The following ARID1B variants were observed in gnomAD, a reference collection of about 807,000 sequenced individuals.
ARID1B encodes AT-rich interaction domain 1B.
A neutral mutation model predicts 212.3 loss-of-function variants in ARID1B; 30 were observed. The ratio of observed to expected loss-of-function variants is 0.14; its 90% confidence interval spans 0.11 to 0.19. The LOEUF (loss-of-function observed/expected upper bound fraction) is 0.19. Among genes scored for constraint, ARID1B ranks in the 10% least tolerant of loss-of-function variants. The pLI is 1.00. For synonymous variants in ARID1B, 1,402 were observed against 1,301.7 expected, an observed-to-expected ratio of 1.08 and a Z score of -1.66; for missense variants, 2,891 against 3,204.0, an observed-to-expected ratio of 0.90 and a Z score of 2.36.
Position 156,795,209 on chromosome 6 carries a change from A to G in ARID1B, c.1791+15738A>G, listed in dbSNP as rs369368524. 3.9e-4 allele frequency among the ~76,000 whole-genome samples: 59 copies of G among 152,144 alleles called. 2 individuals are homozygous for G. Among genetic ancestry groups the G allele is most frequent in the Admixed American group, 1.7e-3 (26 of 15,278 alleles). On this transcript the variant is annotated intron_variant, in intron 1 of 19. Coordinates refer to ENST00000636930, the MANE Select transcript of ARID1B (RefSeq NM_001374828.1). ...GGCCTGGGAAGGAGTAAGGCAGCAC[A>G]CGGTGGCTGTTAGGTCATTTGTGTT...
chr6:156,924,042 C>A (rs978982205), intron 3 of ARID1B, among the ~76,000 whole-genome samples: 1 of 152,204 alleles, frequency 6.6e-6, no homozygotes, highest in Admixed American at 6.5e-5. Flanking sequence ...TAGCTGACAT[C>A]TGTGAACATT....
At chr6:157,069,938 T>C (rs1302770778) in intron 4 of ARID1B, among the ~76,000 whole-genome samples, 1 of 152,210 alleles carries the variant, frequency 6.6e-6, no homozygotes, top group Non-Finnish European at 1.5e-5. Context: ...GTTGTTCTCT[T>C]AAAAGGCATG....
At chr6:157,077,703 A>C (rs936361671) in intron 4 of ARID1B, among the ~76,000 whole-genome samples, 5 of 152,160 alleles carry the variant, frequency 3.3e-5, no homozygotes, top group African/African-American at 1.2e-4. Flanking sequence ...AATTTTCTGC[A>C]CTTCATTGTT....
intron 4 of ARID1B, among the ~76,000 whole-genome samples, chr6:157,055,386 A>T (rs2128389893): frequency 6.6e-6 from 1 of 152,312 alleles, no homozygotes; most frequent in Admixed American, 6.5e-5. Flanking sequence ...TAGAACTTGT[A>T]CAAAGTACTC....
At chr6:157,202,478 G>A (rs997223912) in intron 18 of ARID1B, among the ~76,000 whole-genome samples, 5 of 152,030 alleles carry the variant, frequency 3.3e-5, no homozygotes, top group Admixed American at 3.3e-4. Flanking sequence ...TTGAACTCAG[G>A]AATTCGAGAC....
chr6:156,867,705 A>G (rs889482942), intron 2 of ARID1B, among the ~76,000 whole-genome samples: 1 of 152,190 alleles, frequency 6.6e-6, no homozygotes, highest in Non-Finnish European at 1.5e-5. Flanking sequence ...AAGACAGAGA[A>G]TATACTTCTG....
In ARID1B at chr6:156,897,264, C is replaced by CTTCTTCTTCTTCTTA. The variant is rs71027320; in HGVS notation, c.1987-4110_1987-4109insCTTCTTCTTCTTATT. ...TCTTCTTCTTCTTCTTCTTCTTCTT[C>CTTCTTCTTCTTCTTA]TTATTATTATTATTATTATTATTAT... On this transcript the variant is annotated intron_variant, in intron 2 of 19. Transcript: ENST00000636930. Among the ~76,000 whole-genome samples, 578 of 83,546 alleles carry CTTCTTCTTCTTCTTA rather than the reference C, an allele frequency of 6.9e-3. 8 individuals carry two copies. The highest frequency in any genetic ancestry group is 9.5e-3 in the Non-Finnish European group (397 of 41,612). 54.8% of individuals were successfully genotyped at this position (83,546 alleles called of 152,430 possible). A position where few individuals can be genotyped will look rare whatever the true frequency, so the allele number is the denominator to read the frequency against.
intron 7 of ARID1B, among the ~76,000 whole-genome samples, chr6:157,146,194 C>A (rs1387030367): frequency 6.6e-6 from 1 of 152,150 alleles, no homozygotes; most frequent in Non-Finnish European, 1.5e-5. Context: ...CCTCTTCTGC[C>A]ACAGTCCCCA....
At chr6:157,074,041 T>C (rs1438555079) in intron 4 of ARID1B, among the ~76,000 whole-genome samples, 1 of 152,216 alleles carries the variant, frequency 6.6e-6, no homozygotes, top group Non-Finnish European at 1.5e-5. Flanking sequence ...CGAATTCTAT[T>C]GTAATCATCC....
chr6:157,018,376 C>T (rs1162100221), intron 4 of ARID1B, among the ~76,000 whole-genome samples: 1 of 152,056 alleles, frequency 6.6e-6, no homozygotes. Flanking sequence ...CCACTACACC[C>T]AGCTAATTTT....
chr6:157,137,885 T>C (rs1258162081), intron 7 of ARID1B, among the ~76,000 whole-genome samples: 2 of 152,240 alleles, frequency 1.3e-5, no homozygotes, highest in Non-Finnish European at 2.9e-5. Context: ...AAAGGTGTTT[T>C]TCAGAAGGGT....
intron 4 of ARID1B, among the ~76,000 whole-genome samples, chr6:157,008,594 C>T (rs1046082665): frequency 5.3e-5 from 8 of 152,108 alleles, no homozygotes; most frequent in Non-Finnish European, 1.0e-4. Flanking sequence ...ACTGTGATTG[C>T]GATTTTTCAT....
In ARID1B at chr6:157,201,136, T is replaced by C; in HGVS notation, c.4911T>C (p.Ser1637=). The C allele has an allele frequency of 1.2e-6, 2 of 1,614,162 alleles. No homozygotes were observed. The highest frequency in any genetic ancestry group is 1.1e-5 in the South Asian group (1 of 91,088). ...QRINHESQWP[S]HVSQRQPYMS... The stretch of plus-strand genomic sequence containing the variant: ...TAAATCATGAGAGCCAGTGGCCTTC[T>C]CACGTCAGCCAGCGTCAGCCTTATA... Residue 1637 remains serine (S), a synonymous_variant, in exon 18 of 20, where the codon TCT becomes TCC. Coordinates refer to ENST00000636930, the MANE Select transcript of ARID1B (RefSeq NM_001374828.1). The surrounding 1 kb of genome is among the most constrained non-coding windows in gnomAD (Gnocchi z 5.2).
At chr6:157,058,536 A>T (rs748711005) in intron 4 of ARID1B, among the ~76,000 whole-genome samples, 1 of 152,202 alleles carries the variant, frequency 6.6e-6, no homozygotes, top group South Asian at 2.1e-4. Context: ...AAGTGCTGGG[A>T]TTACAGGCGT....
intron 1 of ARID1B, among the ~76,000 whole-genome samples, chr6:156,793,380 T>C (rs930165503): frequency 6.6e-6 from 1 of 152,162 alleles, no homozygotes; most frequent in African/African-American, 2.4e-5. Context: ...AGGGTCTTAC[T>C]CTGTTGCCCA....
In ARID1B at chr6:157,133,101, G is replaced by A. The variant is rs374691223; in HGVS notation, c.2655G>A (p.Ser885=). 48 of 1,613,938 alleles carry A rather than the reference G, an allele frequency of 3.0e-5. No individual in the cohort carries two copies. Among genetic ancestry groups the A allele is most frequent in the East Asian group, 4.5e-5 (2 of 44,892 alleles). ...CTCAACAGACAGGACCATCCATGTCGCCTCATCCTTCTCCTGGGGGCCAGA... is the reference window on the plus strand; with the variant it reads ...CTCAACAGACAGGACCATCCATGTCACCTCATCCTTCTCCTGGGGGCCAGA... The part of the protein sequence containing the change: ...YGPQQTGPSM[S]PHPSPGGQMH... The change falls in exon 7 of 20, where the codon TCG becomes TCA. Residue 885 remains serine, a synonymous_variant. Transcript: ENST00000636930.
intron 1 of ARID1B, among the ~76,000 whole-genome samples, chr6:156,811,307 C>T (rs528605750): frequency 6.6e-6 from 1 of 152,264 alleles, no homozygotes; most frequent in South Asian, 2.1e-4. Flanking sequence ...CTTACCCGTA[C>T]TCAAGAGGAG....
rs150128450 is a variant in ARID1B, at chr6:156,918,382, C to G, written c.2136+16857C>G. 1.1e-4 allele frequency among the ~76,000 whole-genome samples: 16 copies of G among 152,226 alleles called. No individual in the cohort carries two copies. The East Asian group carries it at 3.1e-3, about 29-fold the overall frequency. ...GCCTGTGGAAAGCCACTGAAGTGTT[C>G]ATTTCACTTATTTTAAGATTTTATT... On this transcript the variant is annotated intron_variant, in intron 3 of 19. Coordinates refer to ENST00000636930, the MANE Select transcript of ARID1B (RefSeq NM_001374828.1).
intron 4 of ARID1B, among the ~76,000 whole-genome samples, chr6:157,068,533 CAA>C (rs1295927546): frequency 4.6e-5 from 7 of 152,216 alleles, no homozygotes; most frequent in South Asian, 2.1e-4. Context: ...AATTAGAAAA[CAA>C]GAGATCTATT....
Sources: gnomAD v4.1 joint callset for allele counts (sites outside exome capture counted in the v4.1 genomes callset) on GRCh38, gnomAD v4.1.1 for gene constraint, Gnocchi (gnomAD v3.1) non-coding constraint, MANE v1.5 for transcripts, NCBI Gene and HGNC (gene_info 2026-07-23, HGNC 2026-07-21) for gene names.